The following ADAMTS6 variants were observed in gnomAD, a reference collection of about 807,000 sequenced individuals.
ADAMTS6 encodes ADAM metallopeptidase with thrombospondin type 1 motif 6.
ADAMTS6 carries 23 observed loss-of-function variants against 144.3 expected under a neutral mutation model. The observed-to-expected ratio is 0.16, with a 90% CI of 0.11 to 0.23. The LOEUF (loss-of-function observed/expected upper bound fraction) is 0.23. ADAMTS6 is among the 10% of genes least tolerant of loss of function. ADAMTS6 has a pLI of 1.00. For synonymous variants in ADAMTS6, 444 were observed against 457.5 expected (o/e 0.97, Z 0.38); for missense variants, 999 against 1,379.6 (o/e 0.72, Z 4.37).
At chr5:65,295,901 T>C (rs1032716207) in intron 10 of ADAMTS6, among the ~76,000 whole-genome samples, 5 of 152,082 alleles carry the variant, frequency 3.3e-5, no homozygotes, top group Non-Finnish European at 5.9e-5. Context: ...CTTATTTACA[T>C]AATCCAAAAA....
chr5:65,269,465 C>A (rs1401596065), intron 12 of ADAMTS6, among the ~76,000 whole-genome samples: 1 of 152,104 alleles, frequency 6.6e-6, no homozygotes, highest in African/African-American at 2.4e-5. Flanking sequence ...TACACTGTCA[C>A]CACCTAGATT....
At chr5:65,448,610 G>A (rs141069734) in intron 7 of ADAMTS6, among the ~76,000 whole-genome samples, 126 of 151,924 alleles carry the variant, frequency 8.3e-4, no homozygotes, top group African/African-American at 3.0e-3. Context: ...CCGCAACCAC[G>A]CCTGGCTAGT....
chr5:65,164,171 C>T lies in ADAMTS6; in HGVS notation c.3244+6446G>A, dbSNP rs539208947. Among the ~76,000 whole-genome samples, 250 of 151,922 alleles carry T rather than the reference C, an allele frequency of 1.6e-3. 2 individuals carry two copies. In the Middle Eastern group the frequency reaches 0.041, roughly 25 times the overall value. On this transcript the variant is annotated intron_variant, in intron 24 of 24. Transcript: ENST00000381055. The stretch of plus-strand genomic sequence containing the variant: ...GACAGTGGGCGCAGGCCAGTGGGTG[C>T]GCGCACCGTGCGCGAGCCGAAGCAG...
chr5:65,291,179 T>C, intron 11 of ADAMTS6, 150 bp downstream of exon 11: 1 of 838,868 alleles, frequency 1.2e-6, no homozygotes, highest in Non-Finnish European at 1.7e-6. Flanking sequence ...ATATTGTACA[T>C]ATGATGTCAG....
intron 12 of ADAMTS6, among the ~76,000 whole-genome samples, chr5:65,272,308 T>C (rs1374676854): frequency 6.6e-6 from 1 of 152,202 alleles, no homozygotes; most frequent in East Asian, 1.9e-4. Flanking sequence ...CTATAAAATT[T>C]TAAGAGTAGT....
intron 7 of ADAMTS6, among the ~76,000 whole-genome samples, chr5:65,393,771 G>C (rs1380027464): frequency 1.3e-5 from 2 of 152,086 alleles, no homozygotes; most frequent in South Asian, 2.1e-4. Flanking sequence ...GAAAAATTGC[G>C]AGTTTTTCTT....
chr5:65,267,581 C>G (rs62369612), intron 12 of ADAMTS6, among the ~76,000 whole-genome samples: 13,888 of 152,078 alleles, frequency 0.091, 847 homozygotes, highest in Non-Finnish European at 0.14. Context: ...TGCTATTATA[C>G]TACTAAATAT....
rs140921338 is a variant in ADAMTS6, at chr5:65,304,668, T to C, written c.1224-4537A>G. On this transcript the variant is annotated intron_variant, in intron 9 of 24. Transcript: ENST00000381055. ...GCTGATCTCAAACTCTGGGCTCAAG[T>C]GATCCTCCCATCTTGGCCTCCCAAA... Among the ~76,000 whole-genome samples, 463 of 152,282 alleles carry C rather than the reference T, an allele frequency of 3.0e-3. 3 individuals are homozygous for C. Among genetic ancestry groups the C allele is most frequent in the African/African-American group, 0.011 (448 of 41,570 alleles).
chr5:65,388,428 T>C (rs1407674046), intron 7 of ADAMTS6, among the ~76,000 whole-genome samples: 1 of 152,122 alleles, frequency 6.6e-6, no homozygotes, highest in Non-Finnish European at 1.5e-5. Flanking sequence ...CTACACTCAG[T>C]TGAGCTCCTA....
chr5:65,356,256 T>C (rs1471650158), intron 7 of ADAMTS6, among the ~76,000 whole-genome samples: 1 of 151,902 alleles, frequency 6.6e-6, no homozygotes, highest in African/African-American at 2.4e-5. Flanking sequence ...AAGACAGACA[T>C]AATAATCCAC....
chr5:65,333,020 G>C (rs1479367053), intron 8 of ADAMTS6, among the ~76,000 whole-genome samples: 1 of 152,096 alleles, frequency 6.6e-6, no homozygotes, highest in Non-Finnish European at 1.5e-5. Context: ...ATATTTCACT[G>C]AACTTCCCAG....
At chr5:65,235,775 C>G (rs1433850611) in intron 15 of ADAMTS6, among the ~76,000 whole-genome samples, 1 of 152,082 alleles carries the variant, frequency 6.6e-6, no homozygotes, top group East Asian at 1.9e-4. Context: ...AATAAACTTC[C>G]CTTTATATAT....
chr5:65,213,079 A>G (rs1422785605), intron 20 of ADAMTS6, among the ~76,000 whole-genome samples: 1 of 152,206 alleles, frequency 6.6e-6, no homozygotes, highest in Non-Finnish European at 1.5e-5. Flanking sequence ...TTAGTTGCAA[A>G]TATTTCTTTA....
intron 15 of ADAMTS6, among the ~76,000 whole-genome samples, chr5:65,230,850 A>G (rs62369578): frequency 0.35 from 22,979 of 65,340 alleles, 5,199 homozygotes; most frequent in African/African-American, 0.57. Flanking sequence ...TAATACATAT[A>G]TATGAAATAT....
At chr5:65,449,342 G>A (rs1309692573) in intron 7 of ADAMTS6, among the ~76,000 whole-genome samples, 3 of 152,184 alleles carry the variant, frequency 2.0e-5, no homozygotes, top group Non-Finnish European at 2.9e-5. Context: ...TGGGCCAGGC[G>A]CGGTGGCTCA....
chr5:65,178,734 G>C (rs976902941), intron 22 of ADAMTS6, among the ~76,000 whole-genome samples: 2 of 152,116 alleles, frequency 1.3e-5, no homozygotes, highest in African/African-American at 4.8e-5. Context: ...GAATATAAAG[G>C]CCCCCCATAC....
intron 7 of ADAMTS6, among the ~76,000 whole-genome samples, chr5:65,413,259 T>C (rs1755215606): frequency 6.6e-6 from 1 of 152,130 alleles, no homozygotes; most frequent in Non-Finnish European, 1.5e-5. Flanking sequence ...TAAATTTCTT[T>C]CCACTTTCAA....
intron 15 of ADAMTS6, among the ~76,000 whole-genome samples, chr5:65,228,578 T>C (rs907346976): frequency 2.0e-5 from 3 of 151,666 alleles, no homozygotes; most frequent in African/African-American, 2.4e-5. Context: ...AGTTCCAGCA[T>C]GCCATTGGAG....
chr5:65,258,043 A>G (rs1580209758), intron 14 of ADAMTS6, among the ~76,000 whole-genome samples: 1 of 152,218 alleles, frequency 6.6e-6, no homozygotes, highest in Non-Finnish European at 1.5e-5. Flanking sequence ...TTGAAGCTAC[A>G]TGTAATTATT....
Sources: gnomAD v4.1 joint callset for allele counts (sites outside exome capture counted in the v4.1 genomes callset) on GRCh38, gnomAD v4.1.1 for gene constraint, MANE v1.5 for transcripts, NCBI Gene and HGNC (gene_info 2026-07-23, HGNC 2026-07-21) for gene names.